PARP4: variants seen among roughly 807,000 people sequenced by gnomAD.
PARP4 encodes poly(ADP-ribose) polymerase family member 4, also known as protein mono-ADP-ribosyltransferase PARP4.
In PARP4, 120 loss-of-function variants were observed where a neutral mutation model predicts 187.7. That is an observed-to-expected ratio of 0.64 (90% CI 0.55 to 0.74). The LOEUF (loss-of-function observed/expected upper bound fraction) is 0.74, where lower values mean the gene tolerates loss of function less well. PARP4 is among the 30% of genes least tolerant of loss of function. The pLI, the probability that PARP4 is intolerant of heterozygous loss-of-function variation, is 0.00. For missense variants in PARP4, 1,836 were observed against 2,070.5 expected (o/e 0.89, Z 2.20); for synonymous variants, 654 against 740.9 (o/e 0.88, Z 1.90).
chr13:24,426,956 C>T (rs563880002), intron 32 of PARP4, among the ~76,000 whole-genome samples: 19 of 149,670 alleles, frequency 1.3e-4, no homozygotes, highest in East Asian at 2.0e-4. Flanking sequence ...ATGAGCAGAT[C>T]GTGAAACTCT....
At chr13:24,469,774 G>T in intron 16 of PARP4, 120 bp downstream of exon 16, 1 of 1,040,554 alleles carries the variant, frequency 9.6e-7, no homozygotes, top group Non-Finnish European at 1.4e-6. Flanking sequence ...GAATATTCTC[G>T]TTTTATGATA....
chr13:24,504,653 C>T (rs1460433484), intron 1 of PARP4, among the ~76,000 whole-genome samples: 1 of 151,768 alleles, frequency 6.6e-6, no homozygotes, highest in African/African-American at 2.4e-5. Flanking sequence ...GTGTATTTAA[C>T]AATAAATTAA....
chr13:24,493,698 C>G lies in PARP4; in HGVS notation c.777G>C (p.Leu259=). 1 of 1,613,898 alleles carries G rather than the reference C, an allele frequency of 6.2e-7. No individual in the cohort carries two copies. The highest frequency in any genetic ancestry group is 8.5e-7 in the Non-Finnish European group (1 of 1,179,944). The part of the protein sequence containing the change: ...LLEEVMNSST[L]SQEVSDLVEM... Reference sequence around the variant, plus strand: ...CTACTAAATCGCTCACCTCTTGGCTCAGAGTGCTTGAATTCATGACTTCCT... The same window carrying G: ...CTACTAAATCGCTCACCTCTTGGCTGAGAGTGCTTGAATTCATGACTTCCT... Residue 259 remains leucine (L), a synonymous_variant, in exon 8 of 34, where the codon CTG becomes CTC. Coordinates refer to ENST00000381989, the MANE Select transcript of PARP4 (RefSeq NM_006437.4).
chr13:24,490,151 C>G (rs1480102904), intron 10 of PARP4, among the ~76,000 whole-genome samples: 4 of 152,162 alleles, frequency 2.6e-5, no homozygotes, highest in African/African-American at 9.7e-5. Context: ...TGACACCCAG[C>G]AAGGGCTCAT....
At chr13:24,422,643 T>G (rs1159902518) in intron 33 of PARP4, among the ~76,000 whole-genome samples, 1 of 152,150 alleles carries the variant, frequency 6.6e-6, no homozygotes, top group Admixed American at 6.5e-5. Context: ...GGAGTCTCAC[T>G]GTGTCGCCAG....
At chr13:24,429,733 G>A (rs1168078385) in intron 32 of PARP4, among the ~76,000 whole-genome samples, 1 of 152,174 alleles carries the variant, frequency 6.6e-6, no homozygotes, top group African/African-American at 2.4e-5. Flanking sequence ...GATTCCTTGA[G>A]GTTGCACCTG....
At chr13:24,425,561 GTGTGTGTGTATATC>G (rs1269039824) in intron 33 of PARP4, among the ~76,000 whole-genome samples, 3 of 137,838 alleles carry the variant, frequency 2.2e-5, no homozygotes, top group South Asian at 2.3e-4. Flanking sequence ...GTGTGTGTGT[GTGTGTGTGTATATC>G]TATATCTATA....
intron 9 of PARP4, 135 bp downstream of exon 9, chr13:24,492,286 G>A (rs1433872350): frequency 1.7e-6 from 1 of 599,072 alleles, no homozygotes; most frequent in Non-Finnish European, 2.8e-6. Context: ...TTCTAAAATG[G>A]TTCAACAATT....
At chr13:24,437,287 A>C (rs1383228555) in intron 30 of PARP4, among the ~76,000 whole-genome samples, 1 of 152,162 alleles carries the variant, frequency 6.6e-6, no homozygotes, top group Non-Finnish European at 1.5e-5. Flanking sequence ...AAAATTTTAA[A>C]AGTATAATCT....
At chr13:24,473,934 C>G (rs201988096) in intron 15 of PARP4, among the ~76,000 whole-genome samples, 8 of 152,166 alleles carry the variant, frequency 5.3e-5, no homozygotes, top group Non-Finnish European at 1.2e-4. Flanking sequence ...CTGTGCTCTA[C>G]TGATTCTCTG....
intron 3 of PARP4, among the ~76,000 whole-genome samples, chr13:24,500,683 A>T (rs1450473316): frequency 6.6e-6 from 1 of 152,258 alleles, no homozygotes; most frequent in Non-Finnish European, 1.5e-5. Flanking sequence ...CAAAGTGCAC[A>T]GGATCAGAAT....
chr13:24,486,331 T>C, intron 10 of PARP4, 26 bp from the exon 11 acceptor site: 2 of 1,480,310 alleles, frequency 1.4e-6, no homozygotes, highest in Non-Finnish European at 1.9e-6. Context: ...GAAAAGCCTT[T>C]AGATTACATA....
intron 17 of PARP4, among the ~76,000 whole-genome samples, chr13:24,465,649 T>C (rs928586603): frequency 1.9e-4 from 29 of 152,040 alleles, no homozygotes; most frequent in African/African-American, 7.0e-4. Context: ...AGCATCAGGA[T>C]AAATAGCTAA....
chr13:24,450,748 C>T (rs918416682), intron 24 of PARP4, among the ~76,000 whole-genome samples: 23 of 152,224 alleles, frequency 1.5e-4, no homozygotes, highest in African/African-American at 4.1e-4. Flanking sequence ...ATCCCAAAAA[C>T]TCGACAGAAA....
chr13:24,431,456 T>C lies in PARP4; in HGVS notation c.4767A>G (p.Thr1589=), dbSNP rs1870329714. The C allele has an allele frequency of 3.1e-6, 5 of 1,588,640 alleles. No individual in the cohort carries two copies. Among genetic ancestry groups the C allele is most frequent in the African/African-American group, 2.7e-5 (2 of 73,514 alleles). The part of the protein sequence containing the change: ...LQTEDGFWKL[T]PELGLILNLN... ...GATTTAATATAAGTCCCAGTTCTGG[T>C]GTAAGTTTCCAGAAGCCATCCTACA... Residue 1589 remains threonine, a synonymous_variant, in exon 32 of 34, where the codon ACA becomes ACG. Transcript: ENST00000381989.
chr13:24,442,187 G>A (rs1433899922), intron 29 of PARP4, among the ~76,000 whole-genome samples: 1 of 150,680 alleles, frequency 6.6e-6, no homozygotes, highest in Admixed American at 6.6e-5. Flanking sequence ...GGCACGTTAC[G>A]TGAATTTCCC....
intron 17 of PARP4, among the ~76,000 whole-genome samples, chr13:24,462,420 T>TA (rs1322053691): frequency 1.3e-5 from 2 of 152,198 alleles, no homozygotes; most frequent in South Asian, 4.1e-4. Flanking sequence ...ACCCCTACAC[T>TA]AACCTGAAAG....
At chr13:24,471,962 G>A (rs1872743902) in intron 15 of PARP4, among the ~76,000 whole-genome samples, 1 of 152,186 alleles carries the variant, frequency 6.6e-6, no homozygotes, top group Non-Finnish European at 1.5e-5. Flanking sequence ...CAAACTCACA[G>A]CACTAGAAAG....
chr13:24,458,845 A>G (rs1305049219), intron 20 of PARP4, among the ~76,000 whole-genome samples, 199 bp downstream of exon 20: 1 of 152,202 alleles, frequency 6.6e-6, no homozygotes, highest in East Asian at 1.9e-4. Context: ...TGGAGGCAAA[A>G]TCAAAGAAAC....
Sources: gnomAD v4.1 joint callset for allele counts (sites outside exome capture counted in the v4.1 genomes callset) on GRCh38, gnomAD v4.1.1 for gene constraint, MANE v1.5 for transcripts, NCBI Gene and HGNC (gene_info 2026-07-23, HGNC 2026-07-21) for gene names.